The following PROX1 variants were observed in gnomAD, a reference collection of about 807,000 sequenced individuals.
PROX1 encodes prospero homeobox 1.
Under a neutral mutation model 58.8 loss-of-function variants are expected in PROX1, and 7 were observed. The observed-to-expected ratio is 0.12, with a 90% CI of 0.07 to 0.22. The LOEUF is 0.22. Ranked by LOEUF, PROX1 falls within the 10% of genes least tolerant of loss-of-function variation. The pLI, the probability that PROX1 is intolerant of heterozygous loss-of-function variation, is 1.00. For synonymous variants in PROX1, 350 were observed against 358.3 expected, an observed-to-expected ratio of 0.98 and a Z score of 0.26; for missense variants, 675 against 927.8, an observed-to-expected ratio of 0.73 and a Z score of 3.54.
intron 4 of PROX1, among the ~76,000 whole-genome samples, chr1:214,013,727 T>A (rs1663999002): frequency 1.3e-5 from 2 of 152,180 alleles, no homozygotes; most frequent in African/African-American, 2.4e-5. Flanking sequence ...ATGATTAACA[T>A]CTAATATTTC....
chr1:213,994,405 T>A (rs764553502), intron 1 of PROX1, among the ~76,000 whole-genome samples: 24 of 152,094 alleles, frequency 1.6e-4, no homozygotes, highest in Non-Finnish European at 3.2e-4. Context: ...GAAGGTGATA[T>A]ACACACAGAA....
At chr1:214,010,498 T>G (rs936902556) in intron 3 of PROX1, among the ~76,000 whole-genome samples, 1 of 152,194 alleles carries the variant, frequency 6.6e-6, no homozygotes, top group African/African-American at 2.4e-5. Context: ...TACATCTTTT[T>G]CTGGGGGCCC....
chr1:214,035,541 C>T (rs999653227), intron 4 of PROX1, 108 bp from the exon 5 acceptor site: 22 of 1,053,888 alleles, frequency 2.1e-5, no homozygotes, highest in Non-Finnish European at 2.7e-5. Context: ...AATGCAGGTG[C>T]CATGTAAGCC....
chr1:214,034,804 T>A (rs1664776123), intron 4 of PROX1, among the ~76,000 whole-genome samples: 1 of 152,156 alleles, frequency 6.6e-6, no homozygotes, highest in Non-Finnish European at 1.5e-5. Flanking sequence ...GGAATTTCCT[T>A]ACCCTCTCTG....
At chr1:214,028,145 G>A (rs759365437) in intron 4 of PROX1, among the ~76,000 whole-genome samples, 2 of 152,142 alleles carry the variant, frequency 1.3e-5, no homozygotes, top group Non-Finnish European at 2.9e-5. Context: ...CCCAGATGTT[G>A]CTGGAGAACC....
chr1:214,029,773 C>G (rs1241333427), intron 4 of PROX1: 1 of 151,534 alleles, frequency 6.6e-6, no homozygotes, highest in Non-Finnish European at 1.5e-5. Context: ...GGGGCTAGAT[C>G]GAGGGGTTTT....
chr1:214,022,728 G>T (rs1393882224), intron 4 of PROX1, among the ~76,000 whole-genome samples: 1 of 152,196 alleles, frequency 6.6e-6, no homozygotes, highest in African/African-American at 2.4e-5. Context: ...AAAGTGATAA[G>T]ATTAAATTCA....
At position 213,996,613 on chromosome 1, in the gene PROX1, G is replaced by C. The variant is rs746084262; in HGVS notation, c.78G>C (p.Thr26=). The change falls in exon 2 of 5, where the codon ACG becomes ACC. Residue 26 remains threonine (T), a synonymous_variant. Transcript: ENST00000366958. ...GAGTTGACATTGGAGTGAAAAGGAC[G>C]GTAGGGACAGCATCTGCATTTTTTG... ...RRRVDIGVKR[T]VGTASAFFAK... The C allele has an allele frequency of 1.2e-6, 2 of 1,614,136 alleles. No individual in the cohort carries two copies. Among genetic ancestry groups the C allele is most frequent in the East Asian group, 2.2e-5 (1 of 44,878 alleles).
chr1:214,019,917 T>G (rs147061154), intron 4 of PROX1, among the ~76,000 whole-genome samples: 1 of 152,300 alleles, frequency 6.6e-6, no homozygotes, highest in Non-Finnish European at 1.5e-5. Context: ...TTTCCTCGAC[T>G]TCTGAACTCC....
intron 1 of PROX1, among the ~76,000 whole-genome samples, chr1:213,993,302 G>A (rs1663104195): frequency 2.0e-5 from 3 of 152,118 alleles, no homozygotes; most frequent in Admixed American, 2.0e-4. Flanking sequence ...TTGATCAAAA[G>A]CTTCATATTG....
intron 1 of PROX1, among the ~76,000 whole-genome samples, chr1:213,990,133 TAAAAAAAA>T: frequency 7.6e-6 from 1 of 131,696 alleles, no homozygotes; most frequent in Non-Finnish European, 1.6e-5. Flanking sequence ...CTCCCTTATT[TAAAAAAAA>T]AAAAAAAAAG....
At position 214,039,237 on chromosome 1, in the gene PROX1, A is replaced by ATC. The variant is rs1307061832; in HGVS notation, c.*3407_*3408dup. ...CAACAAAACATTTAATTCTTACTGT[A>ATC]TCTCTGGCTGTTTAATGAGGACGTT... On this transcript the variant is annotated 3_prime_UTR_variant, in exon 5 of 5. Transcript: ENST00000366958. 1 of 152,214 alleles carries ATC rather than the reference A, an allele frequency of 6.6e-6. No individual in the cohort carries two copies. The highest frequency in any genetic ancestry group is 2.4e-5 in the African/African-American group (1 of 41,460). The allele number at this position is 152,214 out of a possible 1,614,324, so 9.4% of individuals were successfully genotyped here. A position where few individuals can be genotyped will look rare whatever the true frequency, so the allele number is the denominator to read the frequency against.
chr1:214,010,442 C>A (rs957449565), intron 3 of PROX1, among the ~76,000 whole-genome samples: 3 of 152,190 alleles, frequency 2.0e-5, no homozygotes, highest in Non-Finnish European at 4.4e-5. Context: ...TGGATGTTCT[C>A]ATGGCCTGTG....
At chr1:214,029,952 A>G (rs1664590423) in intron 4 of PROX1, 1 of 152,648 alleles carries the variant, frequency 6.6e-6, no homozygotes, top group Non-Finnish European at 1.5e-5. Context: ...GATTAGTTCT[A>G]CAATACCCGT....
intron 4 of PROX1, chr1:214,030,347 A>G (rs971857903): frequency 3.3e-5 from 5 of 152,316 alleles, no homozygotes; most frequent in Admixed American, 6.5e-5. Flanking sequence ...AAATTAGCTT[A>G]AAAGATCAGC....
intron 4 of PROX1, among the ~76,000 whole-genome samples, chr1:214,015,842 C>T (rs143360561): frequency 1.8e-4 from 27 of 152,306 alleles, no homozygotes; most frequent in African/African-American, 4.1e-4. Context: ...GTGTTTCCCA[C>T]GCCATGGTAA....
At position 214,020,225 on chromosome 1, in the gene PROX1, C is replaced by G. The variant is rs138431869; in HGVS notation, c.2028+8510C>G. On this transcript the variant is annotated intron_variant, in intron 4 of 4. Coordinates refer to ENST00000366958, the MANE Select transcript of PROX1 (RefSeq NM_001270616.2). Reference sequence around the variant, plus strand: ...TCCTCCTCCGTCCCCACTCTGCCCCCCTCACTATTTCCTTGGATCCTTTAT... The same window carrying G: ...TCCTCCTCCGTCCCCACTCTGCCCCGCTCACTATTTCCTTGGATCCTTTAT... Among the ~76,000 whole-genome samples the G allele has an allele frequency of 4.5e-3, 685 of 152,272 alleles. 3 individuals carry two copies. Among genetic ancestry groups the G allele is most frequent in the African/African-American group, 0.016 (658 of 41,540 alleles).
chr1:214,011,473 G>A lies in PROX1; in HGVS notation c.1834-48G>A, dbSNP rs1189919910. On this transcript the variant is annotated intron_variant, in intron 3 of 4. Transcript: ENST00000366958. Reference sequence around the variant, plus strand: ...GCTTCAGACACTTAAAAAAATAAATGAAGAAAATGGCAATGTTCTTATCCT... The same window carrying A: ...GCTTCAGACACTTAAAAAAATAAATAAAGAAAATGGCAATGTTCTTATCCT... 13 of 1,484,752 alleles carry A rather than the reference G, an allele frequency of 8.8e-6. No individual in the cohort carries two copies. The East Asian group carries it at 3.0e-4, about 35-fold the overall frequency. 92.0% of individuals were successfully genotyped at this position (1,484,752 alleles called of 1,614,324 possible). A position where few individuals can be genotyped will look rare whatever the true frequency, so the allele number is the denominator to read the frequency against.
chr1:214,011,453 A>G, intron 3 of PROX1, 68 bp from the exon 4 acceptor site: 5 of 1,411,236 alleles, frequency 3.5e-6, no homozygotes, highest in Non-Finnish European at 3.9e-6. Flanking sequence ...AAAATGCTTC[A>G]GACACTTAAA....
Sources: gnomAD v4.1 joint callset for allele counts (sites outside exome capture counted in the v4.1 genomes callset) on GRCh38, gnomAD v4.1.1 for gene constraint, MANE v1.5 for transcripts, NCBI Gene and HGNC (gene_info 2026-07-23, HGNC 2026-07-21) for gene names.